RYR2: variants seen among roughly 807,000 people sequenced by gnomAD.
RYR2 encodes the protein cardiac muscle ryanodine receptor-calcium release channel.
RYR2 carries 227 observed loss-of-function variants against 601.1 expected under a neutral mutation model. The observed-to-expected ratio is 0.38, with a 90% CI of 0.34 to 0.42. The LOEUF (loss-of-function observed/expected upper bound fraction) is 0.42. Among genes scored for constraint, RYR2 ranks in the 10% least tolerant of loss-of-function variants. The probability of loss-of-function intolerance (pLI) is 1.00; values close to 1 mark genes in which losing one functional copy is unlikely to be tolerated. For synonymous variants in RYR2, 2,223 were observed against 2,175.1 expected, an observed-to-expected ratio of 1.02 and a Z score of -0.61; for missense variants, 4,646 against 6,156.5, an observed-to-expected ratio of 0.75 and a Z score of 8.21.
intron 63 of RYR2, among the ~76,000 whole-genome samples, chr1:237,688,368 T>G (rs1009659967): frequency 6.6e-6 from 1 of 151,968 alleles, no homozygotes; most frequent in Non-Finnish European, 1.5e-5. Flanking sequence ...ATTAAGTCAT[T>G]TCTACAAAGT....
At chr1:237,087,208 A>T (rs919794045) in intron 1 of RYR2, among the ~76,000 whole-genome samples, 17 of 152,170 alleles carry the variant, frequency 1.1e-4, no homozygotes, top group Admixed American at 3.3e-4. Flanking sequence ...TGGCACCTGA[A>T]CCAGCATCTG....
At chr1:237,208,934 GTGTATATATA>G (rs1682130667) in intron 1 of RYR2, among the ~76,000 whole-genome samples, 1 of 82,262 alleles carries the variant, frequency 1.2e-5, no homozygotes, top group African/African-American at 5.3e-5. Flanking sequence ...AAATGTGTGT[GTGTATATATA>G]TATATATATA....
chr1:237,786,363 C>G (rs1182841744), intron 91 of RYR2, among the ~76,000 whole-genome samples: 1 of 152,242 alleles, frequency 6.6e-6, no homozygotes, highest in African/African-American at 2.4e-5. Context: ...ACAATTCTGT[C>G]TTTAAAAATC....
At chr1:237,511,612 C>G (rs4440842) in intron 23 of RYR2, 76 bp from the exon 24 acceptor site, 2 of 1,178,414 alleles carry the variant, frequency 1.7e-6, no homozygotes, top group Non-Finnish European at 2.5e-6. Flanking sequence ...CCTCCACTTT[C>G]TACCACACAG....
chr1:237,669,485 G>C (rs1034323653), intron 58 of RYR2, among the ~76,000 whole-genome samples: 2 of 146,624 alleles, frequency 1.4e-5, no homozygotes, highest in African/African-American at 4.9e-5. Context: ...TCCCGGACGG[G>C]GCGGCTGGCC....
chr1:237,816,697 A>T (rs1558476907), intron 100 of RYR2, among the ~76,000 whole-genome samples: 1 of 20,234 alleles, frequency 4.9e-5, no homozygotes, highest in Non-Finnish European at 8.7e-5. Context: ...TAGAAAGAAA[A>T]AAAAAAAAAG....
chr1:237,381,461 G>A (rs1572064081), intron 8 of RYR2, among the ~76,000 whole-genome samples: 1 of 152,100 alleles, frequency 6.6e-6, no homozygotes, highest in South Asian at 2.1e-4. Flanking sequence ...TAACAAATTA[G>A]TTAAAACTAA....
At chr1:237,142,778 T>C (rs1444933083) in intron 1 of RYR2, among the ~76,000 whole-genome samples, 7 of 152,162 alleles carry the variant, frequency 4.6e-5, no homozygotes, top group African/African-American at 1.7e-4. Context: ...GTTTATTTTA[T>C]TTTTGCCTGC....
intron 1 of RYR2, among the ~76,000 whole-genome samples, chr1:237,071,133 A>G (rs12083174): frequency 0.019 from 2,902 of 152,290 alleles, 88 homozygotes; most frequent in African/African-American, 0.066. Flanking sequence ...GAGTAAAAGA[A>G]CAACTCTCAT....
chr1:237,579,045 C>T (rs1673591222), intron 29 of RYR2, among the ~76,000 whole-genome samples: 1 of 152,062 alleles, frequency 6.6e-6, no homozygotes, highest in Non-Finnish European at 1.5e-5. Context: ...CAAAACACAA[C>T]TAAGAAGGCC....
At chr1:237,054,827 A>T (rs1358578806) in intron 1 of RYR2, among the ~76,000 whole-genome samples, 1 of 152,060 alleles carries the variant, frequency 6.6e-6, no homozygotes, top group Non-Finnish European at 1.5e-5. Flanking sequence ...TTGGGTGGGG[A>T]GGGCAGGAAG....
intron 24 of RYR2, among the ~76,000 whole-genome samples, chr1:237,515,350 T>C (rs1666312495): frequency 6.6e-6 from 1 of 152,252 alleles, no homozygotes; most frequent in South Asian, 2.1e-4. Flanking sequence ...ATAGAATTTA[T>C]TTCTTTGGAA....
chr1:237,541,858 G>A (rs1233978904), intron 25 of RYR2, among the ~76,000 whole-genome samples: 1 of 152,064 alleles, frequency 6.6e-6, no homozygotes, highest in Non-Finnish European at 1.5e-5. Flanking sequence ...CATCACTTAA[G>A]ACAAGGACCG....
At chr1:237,179,889 C>T (rs1330151948) in intron 1 of RYR2, among the ~76,000 whole-genome samples, 1 of 152,110 alleles carries the variant, frequency 6.6e-6, no homozygotes, top group African/African-American at 2.4e-5. Flanking sequence ...GAGCTCTGTG[C>T]TGGGACTAAA....
At chr1:237,801,833 A>ATTTTTTTTTTT in intron 97 of RYR2, 23 bp from the exon 98 acceptor site, 1 of 1,365,684 alleles carries the variant, frequency 7.3e-7, no homozygotes, top group South Asian at 1.3e-5. Flanking sequence ...ATAACTACGC[A>ATTTTTTTTTTT]TTTTTTTTTT....
chr1:237,655,884 C>G lies in RYR2; in HGVS notation c.8029C>G (p.Pro2677Ala). ...PCLSAVAGAL[P>A]PDYMESNYVS... is the part of the protein sequence containing the mutation. The stretch of plus-strand genomic sequence containing the variant: ...CCTGAGTGCAGTTGCGGGAGCTTTG[C>G]CTCCAGACTACATGGAGTCAAATTA... The change falls in exon 53 of 105, where the codon CCT becomes GCT. Residue 2677 changes from proline (P) to alanine (A), a missense_variant. Transcript: ENST00000366574. 1 of 1,610,044 alleles carries G rather than the reference C, an allele frequency of 6.2e-7. No individual in the cohort carries two copies. Among genetic ancestry groups the G allele is most frequent in the Non-Finnish European group, 8.5e-7 (1 of 1,177,928 alleles).
chr1:237,340,324 T>C (rs925348003), intron 3 of RYR2, among the ~76,000 whole-genome samples: 1 of 152,220 alleles, frequency 6.6e-6, no homozygotes, highest in Admixed American at 6.5e-5. Context: ...TTGTGCATTC[T>C]GGAGCTAGGG....
At chr1:237,435,788 T>C (rs548865584) in intron 12 of RYR2, among the ~76,000 whole-genome samples, 2 of 152,116 alleles carry the variant, frequency 1.3e-5, no homozygotes, top group Non-Finnish European at 2.9e-5. Flanking sequence ...TATGGAAACA[T>C]TGTGACGAAT....
intron 1 of RYR2, among the ~76,000 whole-genome samples, chr1:237,125,423 TAA>T (rs35773659): frequency 3.5e-4 from 46 of 129,980 alleles, no homozygotes; most frequent in Middle Eastern, 3.8e-3. Context: ...GCTGTTTTGC[TAA>T]AAAAAAAAAA....
Sources: allele counts gnomAD v4.1 joint callset (sites outside exome capture counted in the v4.1 genomes callset), GRCh38; gene constraint gnomAD v4.1.1; transcripts MANE v1.5; gene names NCBI Gene and HGNC (gene_info 2026-07-23, HGNC 2026-07-21).